The following ZNF41 variants were observed in gnomAD, a reference collection of about 807,000 sequenced individuals.
ZNF41 encodes zinc finger protein 41.
A neutral mutation model predicts 9.3 loss-of-function variants in ZNF41; 6 were observed. That is an observed-to-expected ratio of 0.65 (90% confidence interval 0.35 to 1.28). The LOEUF is 1.28. ZNF41 is among the 50% of genes most tolerant of loss of function. The probability of loss-of-function intolerance (pLI) is 0.03; values close to 1 mark genes in which losing one functional copy is unlikely to be tolerated. For missense variants in ZNF41, 523 were observed against 585.8 expected, an observed-to-expected ratio of 0.89 and a Z score of 1.11; for synonymous variants, 192 against 207.1, an observed-to-expected ratio of 0.93 and a Z score of 0.63.
chrX:47,478,821 T>TA (rs748291690), intron 1 of ZNF41, among the ~76,000 whole-genome samples: 1 of 109,525 alleles, frequency 9.1e-6, no homozygotes, highest in Non-Finnish European at 1.9e-5. Flanking sequence ...TAATCGCAGC[T>TA]ACTTGGGAGG....
Position 47,470,362 on chromosome X carries a change from A to C in ZNF41, c.-279-2602T>G, listed in dbSNP as rs777499449. Among the ~76,000 whole-genome samples, 291 of 96,074 alleles carry C rather than the reference A, an allele frequency of 3.0e-3. 1 individual carries two copies. The highest frequency in any genetic ancestry group is 0.011 in the African/African-American group (280 of 25,673). The allele number at this position is 96,074 out of a possible 115,157, so 83.4% of individuals were successfully genotyped here. On this transcript the variant is annotated intron_variant, in intron 1 of 4. Transcript: ENST00000684689. ...AGGAGGCGGAGGTTGCAGTGAGCTG[A>C]GATTGTGCCACTGCACTCCAGCCTG...
chrX:47,481,483 T>C (rs1451309356), intron 1 of ZNF41, among the ~76,000 whole-genome samples: 2 of 111,164 alleles, frequency 1.8e-5, no homozygotes, highest in Non-Finnish European at 3.8e-5. Flanking sequence ...ACCCCGTGTC[T>C]ACACAAAATA....
At chrX:47,481,976 G>GC (rs775910489) in intron 1 of ZNF41, among the ~76,000 whole-genome samples, 3 of 109,549 alleles carry the variant, frequency 2.7e-5, no homozygotes, top group Non-Finnish European at 5.7e-5. Context: ...TGATTCCACA[G>GC]CCCCCCATCA....
intron 1 of ZNF41, among the ~76,000 whole-genome samples, chrX:47,468,584 C>A (rs2057067624): frequency 9.0e-6 from 1 of 111,107 alleles, no homozygotes; most frequent in East Asian, 2.8e-4. Flanking sequence ...CCAACCCAGG[C>A]AGCACACCAT....
chrX:47,476,603 C>G (rs1351926362), intron 1 of ZNF41, among the ~76,000 whole-genome samples: 1 of 111,041 alleles, frequency 9.0e-6, no homozygotes, highest in Non-Finnish European at 1.9e-5. Context: ...AAATGGAAAT[C>G]AAAACCACAA....
At chrX:47,463,731 G>A (rs1489147526) in intron 2 of ZNF41, among the ~76,000 whole-genome samples, 2 of 111,139 alleles carry the variant, frequency 1.8e-5, no homozygotes, top group African/African-American at 6.5e-5. Context: ...ACTGTTCCTT[G>A]CTCCAGGTGT....
intron 1 of ZNF41, among the ~76,000 whole-genome samples, chrX:47,481,747 T>C (rs1480657996): frequency 1.8e-5 from 2 of 112,141 alleles, no homozygotes; most frequent in Non-Finnish European, 3.8e-5. Context: ...GTTTATATTA[T>C]AAAATAAAAT....
chrX:47,466,310 G>C (rs971293894), intron 2 of ZNF41, among the ~76,000 whole-genome samples: 1 of 111,184 alleles, frequency 9.0e-6, no homozygotes, highest in East Asian at 2.8e-4. Flanking sequence ...TCTGAAAGGA[G>C]GGAGCTGTCG....
At chrX:47,453,948 T>C (rs948833975) in intron 4 of ZNF41, among the ~76,000 whole-genome samples, 1 of 111,110 alleles carries the variant, frequency 9.0e-6, no homozygotes, top group Non-Finnish European at 1.9e-5. Context: ...GGTGCACATC[T>C]GTAATCCCAG....
intron 2 of ZNF41, among the ~76,000 whole-genome samples, chrX:47,463,896 C>T (rs924633275): frequency 9.0e-6 from 1 of 111,516 alleles, no homozygotes; most frequent in African/African-American, 3.3e-5. Flanking sequence ...TTCTCTGGGT[C>T]GTATTTCACA....
chrX:47,477,194 A>G (rs1460583256), intron 1 of ZNF41: 1 of 106,855 alleles, frequency 9.4e-6, no homozygotes, highest in African/African-American at 3.5e-5. Flanking sequence ...CCCAGGCTGG[A>G]GTGCAGTGGC....
At chrX:47,449,570 G>A (rs1196827518) in intron 4 of ZNF41, 96 bp from the exon 5 acceptor site, 2 of 971,894 alleles carry the variant, frequency 2.1e-6, no homozygotes, top group African/African-American at 3.9e-5. Context: ...ACAGATAAAT[G>A]GAAGAGCCCA....
Position 47,447,603 on chromosome X carries a change from T to C in ZNF41, c.2167A>G (p.Lys723Glu), listed in dbSNP as rs758212582. The C allele has an allele frequency of 1.7e-6, 2 of 1,211,950 alleles. No homozygotes were observed. The highest frequency in any genetic ancestry group is 3.5e-5 in the South Asian group (2 of 57,016). Residue 723 changes from lysine to glutamate, a missense_variant, in exon 5 of 5, where the codon AAA becomes GAA. Transcript: ENST00000684689. ...HTGERHYECS[K>E]CGKAFIQKAT... is the part of the protein sequence containing the mutation. ...TTCTGGATGAAAGCTTTCCCACATT[T>C]ACTACATTCATAGTGTCTTTCTCCA...
chrX:47,455,147 A>G (rs2056508215), intron 4 of ZNF41, among the ~76,000 whole-genome samples: 1 of 110,767 alleles, frequency 9.0e-6, no homozygotes, highest in Non-Finnish European at 1.9e-5. Flanking sequence ...AGGGAGGCTG[A>G]GGCAGGAGAA....
At chrX:47,455,889 T>C (rs1478436326) in intron 4 of ZNF41, 32 bp downstream of exon 4, 2 of 1,158,209 alleles carry the variant, frequency 1.7e-6, no homozygotes, top group Non-Finnish European at 2.4e-6. Context: ...CTGACTTCCA[T>C]GTCCCCATCT....
chrX:47,454,867 T>C (rs2056494274), intron 4 of ZNF41, among the ~76,000 whole-genome samples: 1 of 111,812 alleles, frequency 8.9e-6, no homozygotes, highest in Admixed American at 9.6e-5. Context: ...TTTAAGAGAA[T>C]ATCACACAAT....
chrX:47,471,697 C>T (rs1330883413), intron 1 of ZNF41, among the ~76,000 whole-genome samples: 1 of 111,200 alleles, frequency 9.0e-6, no homozygotes, highest in Non-Finnish European at 1.9e-5. Flanking sequence ...AATGTAAAGG[C>T]AAATCCTACA....
intron 1 of ZNF41, among the ~76,000 whole-genome samples, chrX:47,479,677 CA>C (rs1046300098): frequency 1.0e-5 from 1 of 99,369 alleles, no homozygotes. Context: ...ATGATAAAAA[CA>C]AAGGTAAAAT....
At chrX:47,462,148 C>T (rs776146422) in intron 2 of ZNF41, among the ~76,000 whole-genome samples, 2 of 111,618 alleles carry the variant, frequency 1.8e-5, no homozygotes, top group Non-Finnish European at 1.9e-5. Context: ...ACTACAGGTG[C>T]ACCCCACCAT....
Sources: allele counts gnomAD v4.1 joint callset (sites outside exome capture counted in the v4.1 genomes callset), GRCh38; gene constraint gnomAD v4.1.1; transcripts MANE v1.5; gene names NCBI Gene and HGNC (gene_info 2026-07-23, HGNC 2026-07-21).